Variants in DLGAP2 observed in about 807,000 individuals in gnomAD.
The protein encoded by DLGAP2 is DLG associated protein 2.
In DLGAP2, 26 loss-of-function variants were observed where a neutral mutation model predicts 100.3. The observed-to-expected ratio is 0.26, with a 90% CI of 0.19 to 0.36. The LOEUF (loss-of-function observed/expected upper bound fraction) is 0.36, where lower values mean the gene tolerates loss of function less well. DLGAP2 is among the 10% of genes least tolerant of loss of function. DLGAP2 has a pLI of 1.00. For missense variants in DLGAP2, 1,858 were observed against 1,453.2 expected, an observed-to-expected ratio of 1.28 and a Z score of -4.53; for synonymous variants, 886 against 630.1, an observed-to-expected ratio of 1.41 and a Z score of -6.08.
chr8:830,731 G>C (rs992558925), intron 1 of DLGAP2, among the ~76,000 whole-genome samples: 5 of 151,984 alleles, frequency 3.3e-5, no homozygotes, highest in African/African-American at 9.7e-5. Context: ...TCAAAACAAG[G>C]TATTAACCCT....
At chr8:904,700 T>G (rs1798338710) in intron 1 of DLGAP2, among the ~76,000 whole-genome samples, 1 of 152,172 alleles carries the variant, frequency 6.6e-6, no homozygotes, top group African/African-American at 2.4e-5. Flanking sequence ...CGCAGCTGGC[T>G]GGGTGTGGAC....
intron 1 of DLGAP2, among the ~76,000 whole-genome samples, chr8:827,177 G>A (rs979700662): frequency 1.3e-5 from 2 of 152,180 alleles, no homozygotes; most frequent in Admixed American, 6.5e-5. Context: ...CCACAGCCAA[G>A]AATCATCCAG....
intron 3 of DLGAP2, among the ~76,000 whole-genome samples, chr8:1,423,162 T>A (rs553293475): frequency 6.6e-6 from 1 of 152,328 alleles, no homozygotes; most frequent in Admixed American, 6.5e-5. Context: ...AAAGCCTAGG[T>A]GGCAAGTTAA....
intron 6 of DLGAP2, among the ~76,000 whole-genome samples, chr8:1,598,787 C>G (rs572404462): frequency 9.9e-5 from 15 of 152,090 alleles, no homozygotes; most frequent in African/African-American, 3.1e-4. Flanking sequence ...AGTGGTCTAT[C>G]TATTTTGTTA....
At chr8:1,218,806 C>G (rs993550864) in intron 2 of DLGAP2, among the ~76,000 whole-genome samples, 1 of 151,986 alleles carries the variant, frequency 6.6e-6, no homozygotes, top group African/African-American at 2.4e-5. Flanking sequence ...TAATATCTTT[C>G]AGAATTTTGT....
At chr8:882,931 G>A (rs1033686449) in intron 1 of DLGAP2, among the ~76,000 whole-genome samples, 1 of 152,228 alleles carries the variant, frequency 6.6e-6, no homozygotes, top group East Asian at 1.9e-4. Flanking sequence ...CTGGGCATGG[G>A]TAACTACTCA....
intron 2 of DLGAP2, among the ~76,000 whole-genome samples, chr8:953,089 CA>C (rs1472528444): frequency 1.3e-5 from 2 of 152,222 alleles, no homozygotes; most frequent in Non-Finnish European, 2.9e-5. Flanking sequence ...AAATCTCATT[CA>C]TTAATATCAC....
At chr8:1,027,600 C>T (rs28382385) in intron 2 of DLGAP2, among the ~76,000 whole-genome samples, 6,001 of 136,832 alleles carry the variant, frequency 0.044, 252 homozygotes, top group African/African-American at 0.11. Flanking sequence ...GCCAGGGGCC[C>T]GTTATTCTCC....
intron 2 of DLGAP2, among the ~76,000 whole-genome samples, chr8:953,375 G>A (rs1193700235): frequency 6.6e-6 from 1 of 152,006 alleles, no homozygotes; most frequent in Non-Finnish European, 1.5e-5. Flanking sequence ...TGTATTTTTA[G>A]CAGAGACGGG....
intron 3 of DLGAP2, among the ~76,000 whole-genome samples, chr8:1,443,249 C>T (rs1045877067): frequency 1.3e-5 from 2 of 152,150 alleles, no homozygotes; most frequent in African/African-American, 4.8e-5. Flanking sequence ...CAGATAATCG[C>T]AGGTAACATT....
intron 3 of DLGAP2, among the ~76,000 whole-genome samples, chr8:1,287,694 AGTGTGTGTGTGT>A (rs1271962722): frequency 3.5e-5 from 2 of 57,754 alleles, no homozygotes; most frequent in African/African-American, 1.9e-4. Flanking sequence ...GTTTCGGTTC[AGTGTGTGTGTGT>A]GTGTGTGTGT....
At chr8:968,500 G>A (rs1463140088) in intron 2 of DLGAP2, among the ~76,000 whole-genome samples, 1 of 152,146 alleles carries the variant, frequency 6.6e-6, no homozygotes, top group Non-Finnish European at 1.5e-5. Flanking sequence ...ATTCACTCGT[G>A]CACTTCTACT....
intron 3 of DLGAP2, among the ~76,000 whole-genome samples, chr8:1,486,032 A>C (rs146837683): frequency 3.0e-3 from 453 of 152,288 alleles, no homozygotes; most frequent in African/African-American, 0.01. Context: ...ATCTCAAAAA[A>C]TTATAATAAT....
intron 3 of DLGAP2, among the ~76,000 whole-genome samples, chr8:1,457,213 C>T (rs1462011540): frequency 6.6e-6 from 1 of 152,030 alleles, no homozygotes; most frequent in African/African-American, 2.4e-5. Flanking sequence ...ATTTGTTTTG[C>T]TTATCTACAT....
At chr8:870,611 C>A (rs188241404) in intron 1 of DLGAP2, among the ~76,000 whole-genome samples, 2 of 152,280 alleles carry the variant, frequency 1.3e-5, no homozygotes, top group African/African-American at 2.4e-5. Context: ...CACAACACAG[C>A]CTCATTCTTT....
intron 2 of DLGAP2, among the ~76,000 whole-genome samples, chr8:967,596 T>C (rs1440499738): frequency 1.3e-5 from 2 of 151,150 alleles, no homozygotes; most frequent in African/African-American, 2.4e-5. Flanking sequence ...CATGGCTATT[T>C]CAACATTTCA....
intron 2 of DLGAP2, among the ~76,000 whole-genome samples, chr8:1,209,532 A>G (rs1798061856): frequency 6.6e-6 from 1 of 152,170 alleles, no homozygotes; most frequent in African/African-American, 2.4e-5. Context: ...CATAAATACA[A>G]TTAATCCGTT....
intron 9 of DLGAP2, among the ~76,000 whole-genome samples, chr8:1,669,255 G>A (rs1342947315): frequency 1.3e-5 from 2 of 152,150 alleles, no homozygotes; most frequent in Admixed American, 6.5e-5. Context: ...CGGTTGACCC[G>A]CCGTCCATCT....
At chr8:1,691,042 A>G (rs1381796386) in intron 12 of DLGAP2, among the ~76,000 whole-genome samples, 1 of 152,196 alleles carries the variant, frequency 6.6e-6, no homozygotes, top group Non-Finnish European at 1.5e-5. Flanking sequence ...AACTGCCCAC[A>G]GTTCATTAGA....
Sources: allele counts gnomAD v4.1 joint callset (sites outside exome capture counted in the v4.1 genomes callset), GRCh38; gene constraint gnomAD v4.1.1; transcripts MANE v1.5; gene names NCBI Gene and HGNC (gene_info 2026-07-23, HGNC 2026-07-21).